Variants in GPATCH8 observed in about 807,000 individuals in gnomAD.
The protein encoded by GPATCH8 is G-patch domain containing 8.
A neutral mutation model predicts 118.3 loss-of-function variants in GPATCH8; 18 were observed. The ratio of observed to expected loss-of-function variants is 0.15; its 90% CI spans 0.11 to 0.23. The LOEUF is 0.23. GPATCH8 is among the 10% of genes least tolerant of loss of function. The pLI is 1.00. For synonymous variants in GPATCH8, 659 were observed against 684.7 expected (o/e 0.96, Z 0.59); for missense variants, 1,631 against 1,873.8 (o/e 0.87, Z 2.39).
At chr17:44,460,896 G>T (rs574529259) in intron 3 of GPATCH8, among the ~76,000 whole-genome samples, 16 of 152,156 alleles carry the variant, frequency 1.1e-4, no homozygotes, top group Non-Finnish European at 2.1e-4. Flanking sequence ...AATTATGTGG[G>T]TACTATAGAA....
chr17:44,459,853 A>G (rs2051478560), intron 3 of GPATCH8, among the ~76,000 whole-genome samples: 1 of 152,224 alleles, frequency 6.6e-6, no homozygotes, highest in African/African-American at 2.4e-5. Context: ...GTGTTAGGTC[A>G]GTAAATATGT....
intron 5 of GPATCH8, among the ~76,000 whole-genome samples, chr17:44,430,366 T>G (rs986163022): frequency 2.6e-5 from 4 of 151,852 alleles, no homozygotes; most frequent in Non-Finnish European, 5.9e-5. Context: ...CATACAAAAA[T>G]CAATCAATGT....
chr17:44,407,661 T>G (rs1241202748), intron 6 of GPATCH8, among the ~76,000 whole-genome samples: 1 of 151,336 alleles, frequency 6.6e-6, no homozygotes, highest in Admixed American at 6.6e-5. Flanking sequence ...ATTAAGATTT[T>G]TTTTTTTTTT....
intron 4 of GPATCH8, among the ~76,000 whole-genome samples, chr17:44,435,946 T>C (rs2050495404): frequency 6.8e-6 from 1 of 146,790 alleles, no homozygotes; most frequent in African/African-American, 2.5e-5. Context: ...GGAGAATCCC[T>C]TGAACCCGGG....
At chr17:44,401,756 C>A (rs1289997084) in intron 7 of GPATCH8, among the ~76,000 whole-genome samples, 1 of 152,282 alleles carries the variant, frequency 6.6e-6, no homozygotes, top group East Asian at 1.9e-4. Context: ...GTAATCCCAG[C>A]ACTTTGAGAG....
chr17:44,495,274 C>T (rs1244348835), intron 1 of GPATCH8, among the ~76,000 whole-genome samples: 1 of 152,124 alleles, frequency 6.6e-6, no homozygotes. Context: ...GTGGAGGTTG[C>T]AGTGAGCTGA....
chr17:44,481,724 T>C (rs1482673377), intron 1 of GPATCH8, among the ~76,000 whole-genome samples: 1 of 152,246 alleles, frequency 6.6e-6, no homozygotes, highest in Non-Finnish European at 1.5e-5. Context: ...TAAATATTTC[T>C]GTATTTCACC....
chr17:44,399,116 G>C lies in GPATCH8; in HGVS notation c.2961C>G (p.Ser987Arg). The C allele has an allele frequency of 6.2e-7, 1 of 1,611,574 alleles. No individual in the cohort carries two copies. The highest frequency in any genetic ancestry group is 8.5e-7 in the Non-Finnish European group (1 of 1,178,194). Reference sequence around the variant, plus strand: ...TGCTGCGGCTGCGGTCCCGGCTATAGCTCCGGCTCCGTTGCCAGCTGTGGG... The same window carrying C: ...TGCTGCGGCTGCGGTCCCGGCTATACCTCCGGCTCCGTTGCCAGCTGTGGG... ...TTAHSWQRSR[S>R]YSRDRSRSTR... Residue 987 changes from serine to arginine, a missense_variant, in exon 8 of 8, where the codon AGC becomes AGG. Around this residue, in one of 8 missense-constraint regions of GPATCH8, gnomAD observed 922 missense variants for 879.7 expected, o/e 1.05. Transcript: ENST00000591680.
intron 1 of GPATCH8, among the ~76,000 whole-genome samples, chr17:44,484,033 G>A (rs1339120837): frequency 1.3e-5 from 2 of 152,152 alleles, no homozygotes. Flanking sequence ...GTAGAGACAG[G>A]GTTTCACTGT....
At position 44,460,649 on chromosome 17, in the gene GPATCH8, T is replaced by C. The variant is rs374223651; in HGVS notation, c.193+3823A>G. ...CAGGCTTAAAATTTTAGTGGATGGT[T>C]GCATGTGAGATATGTTAAGAGTCCT... On this transcript the variant is annotated intron_variant, in intron 3 of 7. Coordinates refer to ENST00000591680, the MANE Select transcript of GPATCH8 (RefSeq NM_001002909.4). Among the ~76,000 whole-genome samples, 4 of 152,338 alleles carry C rather than the reference T, an allele frequency of 2.6e-5. No individual in the cohort carries two copies. The East Asian group carries it at 7.7e-4, about 29-fold the overall frequency.
intron 6 of GPATCH8, chr17:44,409,227 A>C (rs2049342671): frequency 6.6e-6 from 1 of 152,198 alleles, no homozygotes; most frequent in Non-Finnish European, 1.5e-5. Context: ...AGTTCATCAC[A>C]TGATGCCTAA....
intron 7 of GPATCH8, 22 bp from the exon 8 acceptor site, chr17:44,401,475 T>TA: frequency 1.3e-6 from 2 of 1,513,148 alleles, no homozygotes; most frequent in Non-Finnish European, 1.8e-6. Flanking sequence ...TTTAGAAAAA[T>TA]AAAAAACAAA....
At chr17:44,480,896 A>C (rs1457838659) in intron 1 of GPATCH8, among the ~76,000 whole-genome samples, 1 of 151,998 alleles carries the variant, frequency 6.6e-6, no homozygotes, top group Non-Finnish European at 1.5e-5. Flanking sequence ...AAACAAAAAA[A>C]AACAACCTAA....
chr17:44,433,943 A>C (rs1469121674), intron 5 of GPATCH8, among the ~76,000 whole-genome samples: 1 of 152,056 alleles, frequency 6.6e-6, no homozygotes, highest in East Asian at 1.9e-4. Context: ...GTTCGAGACC[A>C]GCCTGGCCAA....
intron 3 of GPATCH8, among the ~76,000 whole-genome samples, chr17:44,444,981 A>G (rs1257107028): frequency 6.6e-6 from 1 of 152,230 alleles, no homozygotes; most frequent in Non-Finnish European, 1.5e-5. Context: ...ATCACAAGAT[A>G]CTAATGATTT....
chr17:44,478,424 A>G (rs534378411), intron 1 of GPATCH8, among the ~76,000 whole-genome samples: 2 of 152,202 alleles, frequency 1.3e-5, no homozygotes, highest in South Asian at 4.1e-4. Flanking sequence ...CTGAAGTGGG[A>G]GCACTGCTGG....
intron 1 of GPATCH8, 106 bp downstream of exon 1, chr17:44,503,220 C>T: frequency 9.5e-7 from 1 of 1,053,414 alleles, no homozygotes; most frequent in South Asian, 1.3e-5. Flanking sequence ...AGCTGGTTCG[C>T]AAGTCGGAGC....
At chr17:44,453,931 CAA>C (rs11305518) in intron 3 of GPATCH8, among the ~76,000 whole-genome samples, 25 of 147,712 alleles carry the variant, frequency 1.7e-4, no homozygotes, top group East Asian at 4.0e-4. Context: ...AGTTTAACCT[CAA>C]AAAAAAAAAA....
Position 44,398,073 on chromosome 17 carries a change from A to T in GPATCH8, c.4004T>A (p.Leu1335His). ...QAAQQHIQQQ[L>H]LAKQVKAFPA... ...AAAGGCCTTTACTTGCTTGGCCAGA[A>T]GCTGCTGCTGGATGTGTTGCTGAGC... Residue 1335 changes from leucine to histidine, a missense_variant, in exon 8 of 8, where the codon CTT (leucine) becomes CAT (histidine). Physicochemically the swap from Leu to His is moderately conservative, Grantham distance 99. This residue lies in a region of GPATCH8 where 111 missense variants were observed against 112.4 expected (regional missense o/e 0.99). Coordinates refer to ENST00000591680, the MANE Select transcript of GPATCH8 (RefSeq NM_001002909.4). The T allele has an allele frequency of 6.2e-7, 1 of 1,614,060 alleles. No homozygotes were observed. The highest frequency in any genetic ancestry group is 1.1e-5 in the South Asian group (1 of 91,078).
Sources: gnomAD v4.1 joint callset for allele counts (sites outside exome capture counted in the v4.1 genomes callset) on GRCh38, gnomAD v4.1.1 for gene constraint, gnomAD v4.1.1 regional missense constraint, MANE v1.5 for transcripts, NCBI Gene and HGNC (gene_info 2026-07-23, HGNC 2026-07-21) for gene names.